The following SYNE1 variants were observed in gnomAD, a reference collection of about 807,000 sequenced individuals.
The protein encoded by SYNE1 is spectrin repeat containing nuclear envelope protein 1.
Under a neutral mutation model 1,111.0 loss-of-function variants are expected in SYNE1, and 616 were observed. That is an observed-to-expected ratio of 0.55 (90% CI 0.52 to 0.59). The LOEUF (loss-of-function observed/expected upper bound fraction) is 0.59. SYNE1 is among the 20% of genes least tolerant of loss of function. The pLI is 0.00. For missense variants in SYNE1, 10,006 were observed against 10,417.0 expected (o/e 0.96, Z 1.72); for synonymous variants, 3,855 against 3,825.8 (o/e 1.01, Z -0.28).
intron 33 of SYNE1, 42 bp from the exon 34 acceptor site, chr6:152,433,987 A>G (rs2098451839): frequency 2.0e-6 from 3 of 1,517,556 alleles, no homozygotes; most frequent in South Asian, 1.2e-5. Flanking sequence ...CAGTATTTTA[A>G]TAGAGAACAA....
intron 58 of SYNE1, 195 bp downstream of exon 58, chr6:152,376,179 ATGCTACC>A: frequency 3.5e-6 from 2 of 574,884 alleles, no homozygotes; most frequent in Non-Finnish European, 6.2e-6. Context: ...TGAGAATCTG[ATGCTACC>A]GCTGATCTGA....
At chr6:152,225,903 T>C (rs763995094) in intron 115 of SYNE1, 27 bp from the exon 116 acceptor site, 56 of 1,606,140 alleles carry the variant, frequency 3.5e-5, no homozygotes, top group Non-Finnish European at 4.6e-5. Context: ...ATAGTCACTT[T>C]AAATTGTTCT....
intron 145 of SYNE1, chr6:152,125,176 C>T (rs1372622626): frequency 6.9e-7 from 1 of 1,450,376 alleles, no homozygotes; most frequent in African/African-American, 1.4e-5. Flanking sequence ...TTCCAAAATC[C>T]CTGCCCACCG....
intron 6 of SYNE1, among the ~76,000 whole-genome samples, chr6:152,514,120 A>G (rs532357736): frequency 1.3e-5 from 2 of 152,318 alleles, no homozygotes; most frequent in South Asian, 4.1e-4. Flanking sequence ...CAGCAACCCC[A>G]TTACTGGGTA....
chr6:152,369,349 A>G, intron 60 of SYNE1, 122 bp downstream of exon 60: 1 of 1,497,394 alleles, frequency 6.7e-7, no homozygotes, highest in Non-Finnish European at 9.2e-7. Flanking sequence ...AAATGGGGAA[A>G]AACACACTAT....
chr6:152,254,195 G>T (rs1243207157), intron 104 of SYNE1, among the ~76,000 whole-genome samples: 13 of 149,034 alleles, frequency 8.7e-5, no homozygotes, highest in African/African-American at 3.0e-4. Flanking sequence ...AAGACTCTTA[G>T]GTACTACAGT....
At chr6:152,607,244 A>G (rs2099618282) in intron 3 of SYNE1, among the ~76,000 whole-genome samples, 2 of 151,750 alleles carry the variant, frequency 1.3e-5, no homozygotes, top group Non-Finnish European at 2.9e-5. Context: ...TCAGCCTCCC[A>G]AAGTGCTGGG....
rs2098103147 is a variant in SYNE1, at chr6:152,413,478, A to G, written c.6104T>C (p.Leu2035Pro). 1 of 1,614,058 alleles carries G rather than the reference A, an allele frequency of 6.2e-7. No homozygotes were observed. Among genetic ancestry groups the G allele is most frequent in the Admixed American group, 1.7e-5 (1 of 60,000 alleles). ...EDELNSHEHE[L>P]CWLKDKAKQI... Reference sequence around the variant, plus strand: ...CTTGGCTTTGTCTTTCAACCAACATAGTTCATGCTCGTGAGAATTCAATTC... The same window carrying G: ...CTTGGCTTTGTCTTTCAACCAACATGGTTCATGCTCGTGAGAATTCAATTC... The change falls in exon 42 of 146, where the codon CTA becomes CCA. Residue 2035 changes from leucine (L) to proline (P), a missense_variant. Around this residue, in one of 7 missense-constraint regions of SYNE1, gnomAD observed 4,955 missense variants for 5,017.2 expected, o/e 0.99. Coordinates refer to ENST00000367255, the MANE Select transcript of SYNE1 (RefSeq NM_182961.4).
intron 40 of SYNE1, among the ~76,000 whole-genome samples, chr6:152,417,221 A>G (rs1036127118): frequency 1.3e-5 from 2 of 152,184 alleles, no homozygotes; most frequent in South Asian, 2.1e-4. Flanking sequence ...ACTCTGGGCC[A>G]GGCGCGGTGG....
At chr6:152,390,865 A>G (rs2097604358) in intron 52 of SYNE1, among the ~76,000 whole-genome samples, 1 of 152,164 alleles carries the variant, frequency 6.6e-6, no homozygotes, top group Non-Finnish European at 1.5e-5. Context: ...TGAGCTTTCA[A>G]TATACCCTTG....
intron 3 of SYNE1, among the ~76,000 whole-genome samples, chr6:152,540,568 C>A (rs1338706033): frequency 1.3e-5 from 2 of 152,248 alleles, no homozygotes; most frequent in Non-Finnish European, 2.9e-5. Context: ...ATTCCCACCA[C>A]ATGGAGTCCC....
At chr6:152,362,398 C>T (rs899836932) in intron 63 of SYNE1, 75 bp from the exon 64 acceptor site, 217 of 1,592,302 alleles carry the variant, frequency 1.4e-4, no homozygotes, top group Admixed American at 1.8e-4. Context: ...GTGTCTGCTC[C>T]ATCCACTCCA....
At chr6:152,263,384 G>GATAAGA (rs1211912948) in intron 100 of SYNE1, among the ~76,000 whole-genome samples, 5 of 151,836 alleles carry the variant, frequency 3.3e-5, no homozygotes, top group Admixed American at 3.3e-4. Context: ...AGATTGGTAT[G>GATAAGA]GCTCTTATTT....
chr6:152,255,813 G>T, intron 102 of SYNE1, 67 bp from the exon 103 acceptor site: 1 of 1,567,116 alleles, frequency 6.4e-7, no homozygotes, highest in Non-Finnish European at 8.8e-7. Flanking sequence ...AAAATATCAG[G>T]ATGGGGCCGG....
At position 152,334,056 on chromosome 6, in the gene SYNE1, A is replaced by C. The variant is rs1296234634; in HGVS notation, c.12746T>G (p.Val4249Gly). The change falls in exon 77 of 146, where the codon GTT becomes GGT. Residue 4249 changes from valine (V) to glycine (G), a missense_variant. Transcript: ENST00000367255. ...TRDYHDCMNV[V>G]EVFLEKFTTE... ...AGTAAATTTTTCTAGGAACACTTCA[A>C]CAACATTCATACAGTCATGGTAATC... 1 of 1,614,196 alleles carries C rather than the reference A, an allele frequency of 6.2e-7. No homozygotes were observed. Among genetic ancestry groups the C allele is most frequent in the Admixed American group, 1.7e-5 (1 of 60,014 alleles).
At chr6:152,178,069 T>C (rs1421586029) in intron 129 of SYNE1, among the ~76,000 whole-genome samples, 1 of 152,138 alleles carries the variant, frequency 6.6e-6, no homozygotes, top group Non-Finnish European at 1.5e-5. Context: ...GTTATTAATA[T>C]ACGAGGTAGT....
At chr6:152,574,164 A>C (rs9479349) in intron 3 of SYNE1, among the ~76,000 whole-genome samples, 8 of 146,334 alleles carry the variant, frequency 5.5e-5, no homozygotes, top group African/African-American at 2.1e-4. Context: ...ATATATATGT[A>C]TATATATACA....
intron 3 of SYNE1, among the ~76,000 whole-genome samples, chr6:152,558,084 G>T (rs779698077): frequency 2.0e-5 from 3 of 152,140 alleles, no homozygotes; most frequent in Non-Finnish European, 4.4e-5. Context: ...AGAAGTTAAA[G>T]TGTAGTTTTT....
At chr6:152,131,473 A>G (rs1443859997) in intron 144 of SYNE1, among the ~76,000 whole-genome samples, 3 of 152,210 alleles carry the variant, frequency 2.0e-5, no homozygotes, top group Non-Finnish European at 4.4e-5. Context: ...TGGACAAAAA[A>G]TATATAACAA....
Sources: gnomAD v4.1 joint callset for allele counts (sites outside exome capture counted in the v4.1 genomes callset) on GRCh38, gnomAD v4.1.1 for gene constraint, gnomAD v4.1.1 regional missense constraint, MANE v1.5 for transcripts, NCBI Gene and HGNC (gene_info 2026-07-23, HGNC 2026-07-21) for gene names.